Variants in RBFOX1 observed in about 807,000 individuals in gnomAD.
The protein encoded by RBFOX1 is RNA binding protein fox-1 homolog 1.
A neutral mutation model predicts 57.7 loss-of-function variants in RBFOX1; 8 were observed. The ratio of observed to expected loss-of-function variants is 0.14; its 90% confidence interval spans 0.08 to 0.25. RBFOX1 has a LOEUF of 0.25. Ranked by LOEUF, RBFOX1 falls within the 10% of genes least tolerant of loss-of-function variation. The pLI, the probability that RBFOX1 is intolerant of heterozygous loss-of-function variation, is 1.00. For missense variants in RBFOX1, 611 were observed against 548.5 expected (o/e 1.11, Z -1.14); for synonymous variants, 326 against 222.4 (o/e 1.47, Z -4.15).
intron 3 of RBFOX1, among the ~76,000 whole-genome samples, chr16:5,693,667 C>A (rs1567406395): frequency 6.6e-6 from 1 of 152,162 alleles, no homozygotes; most frequent in African/African-American, 2.4e-5. Context: ...GGTTCCAGAA[C>A]TTTTGATGCC....
At chr16:6,196,903 A>C (rs1019842637) in intron 1 of RBFOX1, among the ~76,000 whole-genome samples, 1 of 151,956 alleles carries the variant, frequency 6.6e-6, no homozygotes, top group South Asian at 2.1e-4. Flanking sequence ...CGCTGCCTAC[A>C]CTGGATTCCA....
At chr16:6,259,888 G>A (rs2097691354) in intron 1 of RBFOX1, among the ~76,000 whole-genome samples, 2 of 151,154 alleles carry the variant, frequency 1.3e-5, no homozygotes, top group Admixed American at 1.3e-4. Context: ...TTGAACCCGA[G>A]AGATGGAGGG....
At chr16:5,663,363 C>G (rs559145879) in intron 3 of RBFOX1, among the ~76,000 whole-genome samples, 1 of 151,974 alleles carries the variant, frequency 6.6e-6, no homozygotes, top group Admixed American at 6.6e-5. Flanking sequence ...TGCCACCATG[C>G]CCAGCTAATT....
chr16:6,778,292 C>G (rs74007034), intron 3 of RBFOX1, among the ~76,000 whole-genome samples: 2,451 of 152,182 alleles, frequency 0.016, 85 homozygotes, highest in African/African-American at 0.056. Flanking sequence ...CAAACACATG[C>G]AAAAGTAGAG....
chr16:5,956,630 CA>C (rs1452153684), intron 4 of RBFOX1, among the ~76,000 whole-genome samples: 2 of 131,276 alleles, frequency 1.5e-5, no homozygotes, highest in African/African-American at 2.9e-5. Context: ...AAATTCTTAG[CA>C]AAAAACAAAT....
At chr16:7,665,634 A>G (rs1007824018) in intron 13 of RBFOX1, among the ~76,000 whole-genome samples, 7 of 152,188 alleles carry the variant, frequency 4.6e-5, no homozygotes, top group Admixed American at 6.5e-5. Flanking sequence ...GAATTTAACT[A>G]TGTTCATCTA....
intron 2 of RBFOX1, among the ~76,000 whole-genome samples, chr16:5,589,354 G>T (rs895230827): frequency 6.6e-6 from 1 of 152,300 alleles, no homozygotes; most frequent in East Asian, 1.9e-4. Flanking sequence ...TAGATGGGCT[G>T]CTTTTAAGTT....
chr16:7,662,816 G>C (rs2068106234), intron 12 of RBFOX1, among the ~76,000 whole-genome samples: 1 of 152,238 alleles, frequency 6.6e-6, no homozygotes, highest in Non-Finnish European at 1.5e-5. Flanking sequence ...ACCCTTTCTT[G>C]AGGTAGGCAC....
At chr16:6,302,346 T>C (rs1398246273) in intron 1 of RBFOX1, among the ~76,000 whole-genome samples, 1 of 152,286 alleles carries the variant, frequency 6.6e-6, no homozygotes, top group Non-Finnish European at 1.5e-5. Flanking sequence ...ATTTCCTTCA[T>C]TGTCTGCTTT....
intron 1 of RBFOX1, among the ~76,000 whole-genome samples, chr16:5,308,753 AT>A (rs939135642): frequency 4.8e-4 from 15 of 30,928 alleles, no homozygotes; most frequent in Non-Finnish European, 1.3e-3. Flanking sequence ...TATGTGTTAC[AT>A]TTTTTTTCAA....
At chr16:6,506,061 A>C (rs1011380024) in intron 2 of RBFOX1, among the ~76,000 whole-genome samples, 1 of 152,222 alleles carries the variant, frequency 6.6e-6, no homozygotes, top group African/African-American at 2.4e-5. Context: ...CTAGCAAAGC[A>C]GTTAGCAAAG....
chr16:5,327,628 C>T (rs750201490), intron 1 of RBFOX1, among the ~76,000 whole-genome samples: 1 of 152,152 alleles, frequency 6.6e-6, no homozygotes, highest in Non-Finnish European at 1.5e-5. Context: ...TCCTCCCCTA[C>T]TTCCCCACTA....
At chr16:6,039,573 C>A (rs968339123) in intron 1 of RBFOX1, among the ~76,000 whole-genome samples, 1 of 152,108 alleles carries the variant, frequency 6.6e-6, no homozygotes, top group Admixed American at 6.5e-5. Flanking sequence ...AATAATTATG[C>A]ATTTCTTAGA....
intron 3 of RBFOX1, among the ~76,000 whole-genome samples, chr16:5,659,884 A>G (rs1325710374): frequency 6.6e-6 from 1 of 152,156 alleles, no homozygotes; most frequent in African/African-American, 2.4e-5. Flanking sequence ...CCTCATCCCT[A>G]CCTTGAAATT....
chr16:6,986,477 G>A (rs1479726998), intron 3 of RBFOX1, among the ~76,000 whole-genome samples: 1 of 152,146 alleles, frequency 6.6e-6, no homozygotes, highest in African/African-American at 2.4e-5. Context: ...GGTATTACAG[G>A]CGTGAGCCAC....
intron 4 of RBFOX1, among the ~76,000 whole-genome samples, chr16:7,209,951 A>C (rs924773733): frequency 3.3e-5 from 5 of 152,120 alleles, no homozygotes; most frequent in Non-Finnish European, 5.9e-5. Flanking sequence ...GCAAAATGAA[A>C]GCTTTTAAGC....
At chr16:7,707,887 T>C (rs886952103) in intron 14 of RBFOX1, among the ~76,000 whole-genome samples, 1 of 152,198 alleles carries the variant, frequency 6.6e-6, no homozygotes, top group Non-Finnish European at 1.5e-5. Flanking sequence ...GTAAGTCACT[T>C]GCACAGGAAT....
intron 2 of RBFOX1, among the ~76,000 whole-genome samples, chr16:6,520,379 G>C (rs1191796272): frequency 6.6e-6 from 1 of 152,096 alleles, no homozygotes; most frequent in African/African-American, 2.4e-5. Flanking sequence ...GTCCTAATGA[G>C]GTTGTGTTTT....
At chr16:7,185,452 A>T (rs1200075133) in intron 4 of RBFOX1, among the ~76,000 whole-genome samples, 1 of 152,190 alleles carries the variant, frequency 6.6e-6, no homozygotes, top group African/African-American at 2.4e-5. Context: ...AAATGGTAAG[A>T]CTAGATTAGA....
Sources: gnomAD v4.1 joint callset for allele counts (sites outside exome capture counted in the v4.1 genomes callset) on GRCh38, gnomAD v4.1.1 for gene constraint, MANE v1.5 for transcripts, NCBI Gene and HGNC (gene_info 2026-07-23, HGNC 2026-07-21) for gene names.